The following PCDHGA6 variants were observed in gnomAD, a reference collection of about 807,000 sequenced individuals.
The protein encoded by PCDHGA6 is protocadherin gamma subfamily A, 6.
A neutral mutation model predicts 60.6 loss-of-function variants in PCDHGA6; 41 were observed. That is an observed-to-expected ratio of 0.68 (90% confidence interval 0.53 to 0.88). The LOEUF (loss-of-function observed/expected upper bound fraction) is 0.88, where lower values mean the gene tolerates loss of function less well. Among genes scored for constraint, PCDHGA6 ranks in the 40% least tolerant of loss-of-function variants. The pLI, the probability that PCDHGA6 is intolerant of heterozygous loss-of-function variation, is 0.00. For synonymous variants in PCDHGA6, 594 were observed against 524.4 expected, an observed-to-expected ratio of 1.13 and a Z score of -1.81; for missense variants, 1,312 against 1,203.0, an observed-to-expected ratio of 1.09 and a Z score of -1.34.
chr5:141,422,871 G>A (rs769543752), intron 1 of PCDHGA6: 1 of 1,614,216 alleles, frequency 6.2e-7, no homozygotes, highest in Admixed American at 1.7e-5. Context: ...GCAACGTGTC[G>A]CTGAGCCTGT....
In PCDHGA6 at chr5:141,491,425, C is replaced by CA; in HGVS notation, c.2425-3381dup. The CA allele has an allele frequency of 6.2e-7, 1 of 1,614,076 alleles. No homozygotes were observed. The highest frequency in any genetic ancestry group is 8.5e-7 in the Non-Finnish European group (1 of 1,179,996). On this transcript the variant is annotated intron_variant, in intron 1 of 3. Coordinates refer to ENST00000517434, the MANE Select transcript of PCDHGA6 (RefSeq NM_018919.3). The surrounding 1 kb of genome is among the most constrained non-coding windows in gnomAD (Gnocchi z 6.9). ...CGCAGACGGGGACGGGGGTGGAGGG[C>CA]AGTGCTGCAGGCGCCAGGACTCACC...
intron 1 of PCDHGA6, chr5:141,390,466 G>A: frequency 1.4e-6 from 1 of 712,034 alleles, no homozygotes; most frequent in East Asian, 2.7e-5. Context: ...AGGAGCAATT[G>A]TGTGGCCCAA....
At chr5:141,408,400 G>A (rs2095097999) in intron 1 of PCDHGA6, 2 of 1,614,052 alleles carry the variant, frequency 1.2e-6, no homozygotes, top group Non-Finnish European at 1.7e-6. Flanking sequence ...CTCGCAAGCT[G>A]CGAGTGAGCG....
rs34752215 is a variant in PCDHGA6 at position 141,427,657 on chromosome 5, A to C, written c.2424+51150A>C. The C allele has an allele frequency of 1.4e-3, 1,030 of 734,210 alleles. 5 individuals carry two copies. Among genetic ancestry groups the C allele is most frequent in the Middle Eastern group, 5.7e-3 (25 of 4,398 alleles). The allele number at this position is 734,210 out of a possible 1,614,324, so 45.5% of individuals were successfully genotyped here. On this transcript the variant is annotated intron_variant, in intron 1 of 3. Coordinates refer to ENST00000517434, the MANE Select transcript of PCDHGA6 (RefSeq NM_018919.3). The stretch of plus-strand genomic sequence containing the variant: ...TTCCACCAAGTCTCCTACGTGGTCC[A>C]CGTGGCCGAAAACAACCTTCCCGGA...
intron 1 of PCDHGA6, chr5:141,400,157 C>G (rs778405500): frequency 3.7e-6 from 6 of 1,614,050 alleles, no homozygotes; most frequent in African/African-American, 1.3e-5. Context: ...CGCCCTGTAC[C>G]CTCTGACCCC....
At chr5:141,498,967 GGGAGGGAAGGAAGGAAGGAA>G (rs1464205074) in intron 2 of PCDHGA6, among the ~76,000 whole-genome samples, 5 of 129,584 alleles carry the variant, frequency 3.9e-5, no homozygotes, top group African/African-American at 1.6e-4. Flanking sequence ...GAGGGAGGGA[GGGAGGGAAGGAAGGAAGGAA>G]GGAAGGAAGG....
chr5:141,436,406 G>T (rs1403133377), intron 1 of PCDHGA6, among the ~76,000 whole-genome samples: 3 of 152,308 alleles, frequency 2.0e-5, no homozygotes, highest in East Asian at 3.9e-4. Context: ...GTTGTTGAAT[G>T]AATGGATAAA....
rs1467261705 is a variant in PCDHGA6, at chr5:141,417,640, C to G, written c.2424+41133C>G. 6.6e-6 allele frequency: 5 copies of G among 761,360 alleles called. No homozygotes were observed. The African/African-American group carries it at 8.8e-5, about 13-fold the overall frequency. 47.2% of individuals were successfully genotyped at this position (761,360 alleles called of 1,614,324 possible). A position where few individuals can be genotyped will look rare whatever the true frequency, so the allele number is the denominator to read the frequency against. On this transcript the variant is annotated intron_variant, in intron 1 of 3. Coordinates refer to ENST00000517434, the MANE Select transcript of PCDHGA6 (RefSeq NM_018919.3). ...AGAGCAAGCGCTGACGCCGGGGATC[C>G]CTCAGCCTCTAGCCTGGGATTCCCT...
In PCDHGA6 at chr5:141,374,996, G is replaced by A; in HGVS notation, c.913G>A (p.Ala305Thr). The A allele has an allele frequency of 1.9e-6, 3 of 1,614,006 alleles. No homozygotes were observed. Among genetic ancestry groups the A allele is most frequent in the Non-Finnish European group, 2.5e-6 (3 of 1,179,878 alleles). Residue 305 changes from alanine (A) to threonine (T), a missense_variant, in exon 1 of 4, where the codon GCA becomes ACA. Ala to Thr is a moderately conservative substitution (Grantham distance 58, BLOSUM62 0). Transcript: ENST00000517434. ...NVLTGEISTS[A>T]NLDYEDSSFY... ...TTTGACTGGAGAAATTTCAACTTCT[G>A]CAAATCTAGACTATGAGGACTCGAG...
At chr5:141,402,877 T>C in intron 1 of PCDHGA6, 3 of 1,469,748 alleles carry the variant, frequency 2.0e-6, no homozygotes, top group East Asian at 4.9e-5. Flanking sequence ...CACCATACTT[T>C]GCAGGGTGGA....
intron 1 of PCDHGA6, chr5:141,419,181 A>T (rs769321564): frequency 1.9e-6 from 3 of 1,613,858 alleles, no homozygotes; most frequent in Admixed American, 3.3e-5. Flanking sequence ...ATAACCCTGC[A>T]CATTACTGAC....
rs374154790 is a variant in PCDHGA6, at chr5:141,490,709, C to A, written c.2425-4098C>A. The A allele has an allele frequency of 3.2e-5, 52 of 1,614,218 alleles. No homozygotes were observed. In the African/African-American group the frequency reaches 6.3e-4, roughly 19 times the overall value. On this transcript the variant is annotated intron_variant, in intron 1 of 3. Coordinates refer to ENST00000517434, the MANE Select transcript of PCDHGA6 (RefSeq NM_018919.3). The surrounding 1 kb of genome is among the most constrained non-coding windows in gnomAD (Gnocchi z 5.4). ...GACACTGGGGATAATGCCCGCCTCA[C>A]CTACTCCATTGTAGGAAATCAGGTT...
chr5:141,418,523 C>G (rs2096266495), intron 1 of PCDHGA6: 1 of 1,613,958 alleles, frequency 6.2e-7, no homozygotes, highest in Non-Finnish European at 8.5e-7. Context: ...GGACCCTCCC[C>G]GAAGCGGTAC....
chr5:141,507,344 AT>A (rs1345461058), intron 3 of PCDHGA6: 5 of 152,206 alleles, frequency 3.3e-5, no homozygotes, highest in Non-Finnish European at 5.9e-5. Context: ...TTTACCTGAA[AT>A]TCAAATTTAA....
At chr5:141,494,714 C>G in intron 1 of PCDHGA6, 93 bp from the exon 2 acceptor site, 2 of 1,603,958 alleles carry the variant, frequency 1.2e-6, no homozygotes, top group East Asian at 4.5e-5. Context: ...TGTGCCCACT[C>G]CCCTCCTTCT....
chr5:141,419,769 C>T (rs773303779), intron 1 of PCDHGA6: 6 of 1,613,888 alleles, frequency 3.7e-6, no homozygotes, highest in Non-Finnish European at 4.2e-6. Context: ...GACAAGGACT[C>T]GGTCCGCCAG....
chr5:141,423,766 C>A, intron 1 of PCDHGA6: 1 of 1,110,086 alleles, frequency 9.0e-7, no homozygotes, highest in Non-Finnish European at 1.1e-6. Context: ...GGGGGTGGGG[C>A]GGCATATATT....
At chr5:141,399,479 C>G (rs774561101) in intron 1 of PCDHGA6, 2 of 1,614,032 alleles carry the variant, frequency 1.2e-6, no homozygotes, top group East Asian at 4.5e-5. Context: ...TTCCACCAGG[C>G]GTCCTACTTA....
chr5:141,444,151 G>T (rs1031944414), intron 1 of PCDHGA6, among the ~76,000 whole-genome samples: 1 of 92,746 alleles, frequency 1.1e-5, no homozygotes, highest in Non-Finnish European at 2.1e-5. Flanking sequence ...GTGTGTACTG[G>T]ATTTTTTTTT....
Sources: gnomAD v4.1 joint callset for allele counts (sites outside exome capture counted in the v4.1 genomes callset) on GRCh38, gnomAD v4.1.1 for gene constraint, Gnocchi (gnomAD v3.1) non-coding constraint, MANE v1.5 for transcripts, NCBI Gene and HGNC (gene_info 2026-07-23, HGNC 2026-07-21) for gene names.